The following PARD3 variants were observed in gnomAD, a reference collection of about 807,000 sequenced individuals.
PARD3 encodes partitioning defective 3 homolog.
Under a neutral mutation model 155.4 loss-of-function variants are expected in PARD3, and 75 were observed. The ratio of observed to expected loss-of-function variants is 0.48; its 90% CI spans 0.40 to 0.58. The LOEUF is 0.58. PARD3 is among the 20% of genes least tolerant of loss of function. The pLI is 0.00. For missense variants in PARD3, 1,642 were observed against 1,721.7 expected, an observed-to-expected ratio of 0.95 and a Z score of 0.82; for synonymous variants, 576 against 610.5, an observed-to-expected ratio of 0.94 and a Z score of 0.83.
chr10:34,138,861 G>A (rs1294423221), intron 22 of PARD3, among the ~76,000 whole-genome samples: 1 of 149,410 alleles, frequency 6.7e-6, no homozygotes, highest in Non-Finnish European at 1.5e-5. Flanking sequence ...AATTACTGCA[G>A]ATGAAAAAGG....
chr10:34,762,257 A>G (rs1340724268), intron 1 of PARD3, among the ~76,000 whole-genome samples: 8 of 137,030 alleles, frequency 5.8e-5, no homozygotes, highest in Admixed American at 3.0e-4. Context: ...AGGGAGGGAG[A>G]GGGAGAGAGA....
chr10:34,275,948 T>C (rs1272939839), intron 21 of PARD3, among the ~76,000 whole-genome samples: 1 of 152,092 alleles, frequency 6.6e-6, no homozygotes, highest in Non-Finnish European at 1.5e-5. Flanking sequence ...GGGCCAAACC[T>C]CAACAATGAC....
At chr10:34,412,058 G>A (rs1001377144) in intron 5 of PARD3, among the ~76,000 whole-genome samples, 9 of 151,702 alleles carry the variant, frequency 5.9e-5, no homozygotes, top group African/African-American at 1.2e-4. Context: ...AAACTCCTGG[G>A]CTCAAGCAAT....
At chr10:34,413,823 C>A (rs1029650109) in intron 5 of PARD3, among the ~76,000 whole-genome samples, 11 of 152,116 alleles carry the variant, frequency 7.2e-5, no homozygotes, top group African/African-American at 2.7e-4. Flanking sequence ...AGTAGCAAGT[C>A]AGATATTAGT....
intron 2 of PARD3, among the ~76,000 whole-genome samples, chr10:34,627,062 G>C (rs1005494323): frequency 2.0e-5 from 3 of 149,130 alleles, no homozygotes; most frequent in Admixed American, 1.3e-4. Context: ...TTCTATCACT[G>C]AGGTTAGAGT....
chr10:34,634,695 T>C (rs1424871775), intron 2 of PARD3, among the ~76,000 whole-genome samples: 1 of 152,154 alleles, frequency 6.6e-6, no homozygotes, highest in Admixed American at 6.5e-5. Context: ...AAATGAAACA[T>C]GGAGACAGCT....
intron 24 of PARD3, 51 bp from the exon 25 acceptor site, chr10:34,111,613 A>G: frequency 6.9e-7 from 1 of 1,442,312 alleles, no homozygotes; most frequent in African/African-American, 1.4e-5. Context: ...AAGGAGGGAG[A>G]GGGAGGAAAG....
chr10:34,594,407 C>G (rs949020873), intron 2 of PARD3, among the ~76,000 whole-genome samples: 3 of 152,150 alleles, frequency 2.0e-5, no homozygotes, highest in Non-Finnish European at 4.4e-5. Context: ...ATGGTCTTCT[C>G]CAATATTTTT....
intron 20 of PARD3, among the ~76,000 whole-genome samples, chr10:34,298,940 A>C (rs2134008686): frequency 6.6e-6 from 1 of 152,336 alleles, no homozygotes; most frequent in South Asian, 2.1e-4. Context: ...TCTGTGCTAC[A>C]ACCAAGACAA....
chr10:34,492,221 T>C (rs2133333660), intron 3 of PARD3, among the ~76,000 whole-genome samples: 1 of 152,268 alleles, frequency 6.6e-6, no homozygotes, highest in South Asian at 2.1e-4. Flanking sequence ...TGAATCAACA[T>C]AAAAAGAAGA....
At chr10:34,520,898 T>C (rs1166096179) in intron 2 of PARD3, among the ~76,000 whole-genome samples, 2 of 152,190 alleles carry the variant, frequency 1.3e-5, no homozygotes, top group South Asian at 4.1e-4. Context: ...CATGAAGATT[T>C]TGGATTGCTA....
At chr10:34,222,951 A>T (rs893401094) in intron 22 of PARD3, among the ~76,000 whole-genome samples, 1 of 152,176 alleles carries the variant, frequency 6.6e-6, no homozygotes, top group Non-Finnish European at 1.5e-5. Context: ...GCGCCTATTC[A>T]GCTGCCGAAA....
chr10:34,226,377 C>G (rs1483161573), intron 22 of PARD3, among the ~76,000 whole-genome samples: 1 of 152,126 alleles, frequency 6.6e-6, no homozygotes, highest in South Asian at 2.1e-4. Context: ...TGGTGAAACC[C>G]CGTCTCTACT....
chr10:34,147,716 T>TA (rs1484214817), intron 22 of PARD3, among the ~76,000 whole-genome samples: 1 of 151,932 alleles, frequency 6.6e-6, no homozygotes, highest in African/African-American at 2.4e-5. Flanking sequence ...TTTTTCTCTT[T>TA]ATATATATAA....
intron 1 of PARD3, among the ~76,000 whole-genome samples, chr10:34,718,089 G>T (rs1276868752): frequency 6.7e-6 from 1 of 150,214 alleles, no homozygotes; most frequent in Non-Finnish European, 1.5e-5. Flanking sequence ...GGGAGGAGGA[G>T]GCTGCAGTGA....
In PARD3 at chr10:34,725,406, C is replaced by T. The variant is rs113725563; in HGVS notation, c.121-28987G>A. Among the ~76,000 whole-genome samples the T allele has an allele frequency of 5.5e-3, 837 of 152,202 alleles. 8 individuals carry two copies. The highest frequency in any genetic ancestry group is 0.019 in the African/African-American group (794 of 41,518). ...TGGCCTCTAGGTGATCCACCTGTCTCGGCCTCCCAAAGTGCTAAGATTCCA... is the reference window on the plus strand; with the variant it reads ...TGGCCTCTAGGTGATCCACCTGTCTTGGCCTCCCAAAGTGCTAAGATTCCA... On this transcript the variant is annotated intron_variant, in intron 1 of 24. Transcript: ENST00000374788.
intron 20 of PARD3, among the ~76,000 whole-genome samples, chr10:34,311,576 G>A (rs368875658): frequency 9.9e-5 from 15 of 152,258 alleles, no homozygotes; most frequent in Admixed American, 2.0e-4. Flanking sequence ...ACACTTGGCC[G>A]GGCAGACTCT....
chr10:34,218,141 T>C lies in PARD3; in HGVS notation c.3419+51516A>G, dbSNP rs149357172. On this transcript the variant is annotated intron_variant, in intron 22 of 24. Transcript: ENST00000374788. The stretch of plus-strand genomic sequence containing the variant: ...CACCATGCACACCTGACTGTTGGTC[T>C]TTTAACCTTCAGATGCTTGTAGTTT... 7.2e-5 allele frequency among the ~76,000 whole-genome samples: 11 copies of C among 152,320 alleles called. No individual in the cohort carries two copies. In the East Asian group the frequency reaches 2.1e-3, roughly 29 times the overall value.
At chr10:34,785,838 GA>G (rs548447888) in intron 1 of PARD3, among the ~76,000 whole-genome samples, 2 of 151,200 alleles carry the variant, frequency 1.3e-5, no homozygotes, top group African/African-American at 2.4e-5. Flanking sequence ...TTCCAGAGAA[GA>G]AAAAAAAATT....
Sources: gnomAD v4.1 joint callset for allele counts (sites outside exome capture counted in the v4.1 genomes callset) on GRCh38, gnomAD v4.1.1 for gene constraint, MANE v1.5 for transcripts, NCBI Gene and HGNC (gene_info 2026-07-23, HGNC 2026-07-21) for gene names.